GNAO1: variants seen among roughly 807,000 people sequenced by gnomAD.
GNAO1 encodes the protein guanine nucleotide-binding protein G(o) subunit alpha.
For synonymous variants in GNAO1, 164 were observed against 180.7 expected (o/e 0.91, Z 0.74); for missense variants, 166 against 478.7 (o/e 0.35, Z 6.10).
At chr16:56,225,830 G>A (rs2036528591) in intron 2 of GNAO1, among the ~76,000 whole-genome samples, 1 of 152,082 alleles carries the variant, frequency 6.6e-6, no homozygotes. Context: ...TGCCAGCACT[G>A]AGTGCCATGA....
At chr16:56,345,205 C>T in intron 6 of GNAO1, 4 of 985,722 alleles carry the variant, frequency 4.1e-6, no homozygotes, top group Non-Finnish European at 4.8e-6. Context: ...ACCTCTCCCA[C>T]TCCAAGATGC....
rs1302343226 is a variant in GNAO1, at chr16:56,191,750, G to GCGC, written c.-472_-470dup. 3 of 207,146 alleles carry GCGC rather than the reference G, an allele frequency of 1.4e-5. No homozygotes were observed. The highest frequency in any genetic ancestry group is 7.4e-5 in the South Asian group (1 of 13,494). 12.8% of individuals were successfully genotyped at this position (207,146 alleles called of 1,614,324 possible). A position where few individuals can be genotyped will look rare whatever the true frequency, so the allele number is the denominator to read the frequency against. ...CCCTAACTCACTCCCTCCACATCCC[G>GCGC]CGCCGCCGCCGCCGCCTCCTCCACC... On this transcript the variant is annotated 5_prime_UTR_variant, in exon 1 of 9. Transcript: ENST00000262493. The surrounding 1 kb of genome is among the most constrained non-coding windows in gnomAD (Gnocchi z 4.7).
chr16:56,321,274 T>C (rs2037569122), intron 3 of GNAO1, among the ~76,000 whole-genome samples: 1 of 152,198 alleles, frequency 6.6e-6, no homozygotes, highest in African/African-American at 2.4e-5. Context: ...AGCAGGGGAT[T>C]GATTGACTCA....
At chr16:56,296,114 T>C (rs2037285908) in intron 3 of GNAO1, among the ~76,000 whole-genome samples, 1 of 152,174 alleles carries the variant, frequency 6.6e-6, no homozygotes, top group Admixed American at 6.5e-5. Context: ...CAAGGGAGAC[T>C]GGAAAGTTTG....
At chr16:56,257,077 A>G (rs1310319588) in intron 2 of GNAO1, among the ~76,000 whole-genome samples, 5 of 152,182 alleles carry the variant, frequency 3.3e-5, no homozygotes, top group African/African-American at 1.2e-4. Flanking sequence ...AGCACTCATT[A>G]AATTCCCTTT....
rs376675221 is a variant in GNAO1, at chr16:56,340,811, C to A, written c.723+3951C>A. 3.2e-4 allele frequency: 508 copies of A among 1,608,258 alleles called. 3 individuals carry two copies. The highest frequency in any genetic ancestry group is 5.8e-5 in the Non-Finnish European group (68 of 1,176,160). On this transcript the variant is annotated intron_variant, in intron 6 of 8. Transcript: ENST00000262493. ...GGGCCCTGGATGCTGCCGCCCCTCA[C>A]TCACCCCTCCACTCTGTTGCAGAAC...
intron 2 of GNAO1, chr16:56,194,021 G>T (rs113938077): frequency 2.3e-6 from 1 of 426,930 alleles, no homozygotes; most frequent in Admixed American, 2.5e-5. Context: ...GCATGCTTGC[G>T]GTTTCAGAAC....
intron 3 of GNAO1, among the ~76,000 whole-genome samples, chr16:56,321,069 G>A (rs2037567056): frequency 6.6e-6 from 1 of 152,210 alleles, no homozygotes; most frequent in Non-Finnish European, 1.5e-5. Context: ...GGTGTGGTCA[G>A]ATAGTAAGAG....
At chr16:56,337,643 T>C (rs1241750773) in intron 6 of GNAO1, among the ~76,000 whole-genome samples, 1 of 152,170 alleles carries the variant, frequency 6.6e-6, no homozygotes, top group Non-Finnish European at 1.5e-5. Context: ...AAAAGGGAGA[T>C]AATAATAGTA....
chr16:56,261,620 G>C (rs2143484352), intron 2 of GNAO1, among the ~76,000 whole-genome samples: 1 of 152,324 alleles, frequency 6.6e-6, no homozygotes, highest in South Asian at 2.1e-4. Flanking sequence ...TTTGGGGTTA[G>C]GTGGAGTCGG....
At chr16:56,331,400 C>T (rs765208339) in intron 4 of GNAO1, among the ~76,000 whole-genome samples, 5 of 152,156 alleles carry the variant, frequency 3.3e-5, no homozygotes, top group African/African-American at 4.8e-5. Flanking sequence ...TGCTGGCGTC[C>T]GACGTTTCCT....
rs562942208 is a variant in GNAO1 at position 56,345,921 on chromosome 16, G to A, written c.724-5463G>A. ...TCACCCTGGAGGTGGAAGTCACTGG[G>A]CTGGAGGGCTCTCCATGTCCCCCAG... is the stretch of plus-strand genomic sequence containing the variant. On this transcript the variant is annotated intron_variant, in intron 6 of 8. Coordinates refer to ENST00000262493, the MANE Select transcript of GNAO1 (RefSeq NM_020988.3). 28 of 985,560 alleles carry A rather than the reference G, an allele frequency of 2.8e-5. No individual in the cohort carries two copies. In the East Asian group the frequency reaches 3.4e-4, roughly 12 times the overall value. 61.1% of individuals were successfully genotyped at this position (985,560 alleles called of 1,614,324 possible).
chr16:56,345,769 G>A, intron 6 of GNAO1: 1 of 985,608 alleles, frequency 1.0e-6, no homozygotes, highest in Non-Finnish European at 1.2e-6. Flanking sequence ...AGACATGGCA[G>A]TTATTTCTCA....
In GNAO1 at chr16:56,334,741, C is replaced by A; in HGVS notation, c.477C>A (p.Ser159Arg). 6.2e-7 allele frequency: 1 copy of A among 1,613,988 alleles called. No homozygotes were observed. Among genetic ancestry groups the A allele is most frequent in the Non-Finnish European group, 8.5e-7 (1 of 1,179,984 alleles). ...LNDSAKYYLDSLDRIGAADYQ... is the reference protein window; with the variant it reads ...LNDSAKYYLDRLDRIGAADYQ... ...TTGCCATCCTCAGCTACCTGGACAG[C>A]CTGGATCGGATTGGGGCCGCCGACT... is the stretch of plus-strand genomic sequence containing the variant. The change falls in exon 5 of 9, where the codon AGC (serine) becomes AGA (arginine). Residue 159 changes from serine (S) to arginine (R), a missense_variant. Physicochemically the swap from Ser to Arg is moderately radical, Grantham distance 110. Transcript: ENST00000262493.
At chr16:56,335,837 T>A (rs775439792) in intron 5 of GNAO1, among the ~76,000 whole-genome samples, 4 of 152,150 alleles carry the variant, frequency 2.6e-5, no homozygotes, top group Non-Finnish European at 2.9e-5. Flanking sequence ...CCCCTGCATT[T>A]CAGATGGGGA....
chr16:56,291,306 C>T (rs1267911325), intron 3 of GNAO1, among the ~76,000 whole-genome samples: 1 of 152,156 alleles, frequency 6.6e-6, no homozygotes, highest in Non-Finnish European at 1.5e-5. Flanking sequence ...TTATTATAGC[C>T]ATCCTCGTGG....
At chr16:56,266,830 G>A (rs994254208) in intron 2 of GNAO1, among the ~76,000 whole-genome samples, 2 of 152,124 alleles carry the variant, frequency 1.3e-5, no homozygotes, top group Admixed American at 1.3e-4. Context: ...CTCAGGGTGT[G>A]CCCCACTCTT....
chr16:56,261,419 C>A (rs889290357), intron 2 of GNAO1, among the ~76,000 whole-genome samples: 5 of 152,156 alleles, frequency 3.3e-5, no homozygotes, highest in African/African-American at 9.7e-5. Flanking sequence ...CTGTCCATGC[C>A]CCTTTGTCTC....
chr16:56,313,543 C>T (rs980268596), intron 3 of GNAO1, among the ~76,000 whole-genome samples: 6 of 152,166 alleles, frequency 3.9e-5, no homozygotes, highest in South Asian at 2.1e-4. Flanking sequence ...TCTCACACGT[C>T]TCTGCCTTCT....
Sources: gnomAD v4.1 joint callset for allele counts (sites outside exome capture counted in the v4.1 genomes callset) on GRCh38, gnomAD v4.1.1 for gene constraint, Gnocchi (gnomAD v3.1) non-coding constraint, MANE v1.5 for transcripts, NCBI Gene and HGNC (gene_info 2026-07-23, HGNC 2026-07-21) for gene names.